Variants in RCSD1 observed in about 807,000 individuals in gnomAD.
RCSD1 encodes capZ-interacting protein.
In RCSD1, 26 loss-of-function variants were observed where a neutral mutation model predicts 42.5. The ratio of observed to expected loss-of-function variants is 0.61; its 90% CI spans 0.45 to 0.85. RCSD1 has a LOEUF of 0.85. Ranked by LOEUF, RCSD1 falls within the 40% of genes least tolerant of loss-of-function variation. The pLI, the probability that RCSD1 is intolerant of heterozygous loss-of-function variation, is 0.00. For missense variants in RCSD1, 571 were observed against 528.3 expected, an observed-to-expected ratio of 1.08 and a Z score of -0.79; for synonymous variants, 220 against 212.2, an observed-to-expected ratio of 1.04 and a Z score of -0.32.
intron 1 of RCSD1, among the ~76,000 whole-genome samples, chr1:167,679,878 T>A (rs574840579): frequency 6.6e-6 from 1 of 152,286 alleles, no homozygotes; most frequent in African/African-American, 2.4e-5. Context: ...ATGTGGATGG[T>A]CAGCAGTATC....
At chr1:167,699,460 T>C (rs1352157665) in intron 6 of RCSD1, among the ~76,000 whole-genome samples, 1 of 152,104 alleles carries the variant, frequency 6.6e-6, no homozygotes, top group Non-Finnish European at 1.5e-5. Context: ...CTGCAATTCA[T>C]GGCATCTCTT....
chr1:167,668,736 TAA>T (rs57523926), intron 1 of RCSD1, among the ~76,000 whole-genome samples: 283 of 130,372 alleles, frequency 2.2e-3, no homozygotes, highest in African/African-American at 2.7e-3. Flanking sequence ...CAAGATGTAC[TAA>T]AAAAAAAAAA....
In RCSD1 at chr1:167,657,912, CACAT is replaced by C. The variant is rs199645397; in HGVS notation, c.7-25987_7-25984del. ...TCATGCACACACACACACACACACACACATGCACGTTTTATTTTTGTTTTAATTT... is the reference window on the plus strand; with the variant it reads ...TCATGCACACACACACACACACACACGCACGTTTTATTTTTGTTTTAATTT... On this transcript the variant is annotated intron_variant, in intron 1 of 6. Transcript: ENST00000367854. 1.9e-3 allele frequency among the ~76,000 whole-genome samples: 289 copies of C among 151,986 alleles called. 1 individual carries two copies. The highest frequency in any genetic ancestry group is 6.5e-3 in the African/African-American group (267 of 41,346).
At chr1:167,693,100 C>T (rs918152593) in intron 4 of RCSD1, among the ~76,000 whole-genome samples, 8 of 152,194 alleles carry the variant, frequency 5.3e-5, no homozygotes, top group Non-Finnish European at 1.0e-4. Context: ...TCAGATCTGT[C>T]GGTATGGAAA....
intron 1 of RCSD1, chr1:167,664,897 G>T: frequency 6.6e-6 from 1 of 152,294 alleles, no homozygotes; most frequent in Non-Finnish European, 1.5e-5. Context: ...AATTAGCCAG[G>T]CGTGGTGGCG....
chr1:167,642,324 GTGTTTA>G (rs10579595), intron 1 of RCSD1, among the ~76,000 whole-genome samples: 54,916 of 151,802 alleles, frequency 0.36, 10,124 homozygotes, highest in East Asian at 0.63. Context: ...GAGGGAGAAA[GTGTTTA>G]TCTGCACCAC....
At chr1:167,636,514 C>A (rs1023813550) in intron 1 of RCSD1, among the ~76,000 whole-genome samples, 1 of 152,226 alleles carries the variant, frequency 6.6e-6, no homozygotes. Context: ...ACTACTCTTT[C>A]CCAGGCTGAA....
intron 5 of RCSD1, 113 bp downstream of exon 5, chr1:167,694,415 T>A: frequency 9.9e-7 from 1 of 1,006,554 alleles, no homozygotes; most frequent in Non-Finnish European, 1.5e-6. Context: ...TCGGAGTTAC[T>A]GTCAGAGCTG....
At chr1:167,695,635 C>G (rs1294840830) in intron 5 of RCSD1, among the ~76,000 whole-genome samples, 1 of 151,238 alleles carries the variant, frequency 6.6e-6, no homozygotes, top group Non-Finnish European at 1.5e-5. Flanking sequence ...ACCTCCTGGG[C>G]TCAGGCAAGC....
chr1:167,641,994 C>T (rs1410178425), intron 1 of RCSD1: 1 of 152,160 alleles, frequency 6.6e-6, no homozygotes, highest in Non-Finnish European at 1.5e-5. Context: ...CATTTCTTGT[C>T]CTCCCTCTGA....
intron 4 of RCSD1, among the ~76,000 whole-genome samples, chr1:167,692,809 G>A (rs1659407494): frequency 6.6e-6 from 1 of 152,144 alleles, no homozygotes; most frequent in Non-Finnish European, 1.5e-5. Flanking sequence ...TTCTAAACGT[G>A]TGCAATGCTT....
intron 2 of RCSD1, among the ~76,000 whole-genome samples, chr1:167,684,663 T>C (rs1425798352): frequency 6.6e-6 from 1 of 151,864 alleles, no homozygotes; most frequent in Non-Finnish European, 1.5e-5. Context: ...TCACTTAAGG[T>C]TGGGAGTTCG....
chr1:167,664,666 A>G (rs892303759), intron 1 of RCSD1: 5 of 152,172 alleles, frequency 3.3e-5, no homozygotes, highest in African/African-American at 9.7e-5. Context: ...GTGCTTTGGG[A>G]GGCTGAGGCT....
chr1:167,644,736 C>G (rs571318215), intron 1 of RCSD1, among the ~76,000 whole-genome samples: 1 of 152,110 alleles, frequency 6.6e-6, no homozygotes, highest in Non-Finnish European at 1.5e-5. Context: ...GTGGGGAGGC[C>G]CCTGCCTAGG....
chr1:167,683,701 C>G (rs1265351749), intron 1 of RCSD1, among the ~76,000 whole-genome samples, 199 bp from the exon 2 acceptor site: 1 of 152,180 alleles, frequency 6.6e-6, no homozygotes, highest in African/African-American at 2.4e-5. Flanking sequence ...AAGCCACACC[C>G]CGGGCCAAGA....
At position 167,640,551 on chromosome 1, in the gene RCSD1, C is replaced by CT. The variant is rs548080784; in HGVS notation, c.6+10131dup. On this transcript the variant is annotated intron_variant, in intron 1 of 6. Coordinates refer to ENST00000367854, the MANE Select transcript of RCSD1 (RefSeq NM_052862.4). ...TCCAGGGATTAGGAAGTGAGCATAT[C>CT]TTTTTTTTTCCTCCTCAAGACAGGG... 1.2e-3 allele frequency: 180 copies of CT among 151,734 alleles called. 1 individual carries two copies. In the East Asian group the frequency reaches 0.027, roughly 23 times the overall value. 9.4% of individuals were successfully genotyped at this position (151,734 alleles called of 1,614,324 possible). A position where few individuals can be genotyped will look rare whatever the true frequency, so the allele number is the denominator to read the frequency against.
intron 1 of RCSD1, among the ~76,000 whole-genome samples, chr1:167,650,606 A>C (rs964943604): frequency 6.6e-6 from 1 of 152,196 alleles, no homozygotes; most frequent in Non-Finnish European, 1.5e-5. Flanking sequence ...CCCTTCAGCC[A>C]AGATCTCTGT....
At chr1:167,664,064 A>G (rs1275745359) in intron 1 of RCSD1, 1 of 152,206 alleles carries the variant, frequency 6.6e-6, no homozygotes, top group East Asian at 1.9e-4. Flanking sequence ...ATCAAACACC[A>G]TCTCCTAGTA....
intron 1 of RCSD1, among the ~76,000 whole-genome samples, chr1:167,648,576 G>C (rs551442016): frequency 6.6e-6 from 1 of 152,246 alleles, no homozygotes; most frequent in Non-Finnish European, 1.5e-5. Flanking sequence ...CCCTCCACCA[G>C]CAGGGAGTGG....
Sources: gnomAD v4.1 joint callset for allele counts (sites outside exome capture counted in the v4.1 genomes callset) on GRCh38, gnomAD v4.1.1 for gene constraint, MANE v1.5 for transcripts, NCBI Gene and HGNC (gene_info 2026-07-23, HGNC 2026-07-21) for gene names.